Variants in NADSYN1 observed in about 807,000 individuals in gnomAD.
NADSYN1 encodes glutamine-dependent NAD(+) synthetase.
Under a neutral mutation model 99.3 loss-of-function variants are expected in NADSYN1, and 80 were observed. The ratio of observed to expected loss-of-function variants is 0.81; its 90% confidence interval spans 0.67 to 0.97. The LOEUF (loss-of-function observed/expected upper bound fraction) is 0.97. Among genes scored for constraint, NADSYN1 ranks in the 50% least tolerant of loss-of-function variants. The pLI, the probability that NADSYN1 is intolerant of heterozygous loss-of-function variation, is 0.00. For missense variants in NADSYN1, 859 were observed against 948.5 expected, an observed-to-expected ratio of 0.91 and a Z score of 1.24; for synonymous variants, 385 against 372.1, an observed-to-expected ratio of 1.03 and a Z score of -0.40.
chr11:71,457,573 C>G (rs1949521962), intron 2 of NADSYN1, among the ~76,000 whole-genome samples: 1 of 152,230 alleles, frequency 6.6e-6, no homozygotes, highest in Admixed American at 6.5e-5. Flanking sequence ...TAGAAACAAA[C>G]TAGAGGCTTA....
chr11:71,488,298 A>G (rs1451678888), intron 16 of NADSYN1, among the ~76,000 whole-genome samples: 2 of 151,040 alleles, frequency 1.3e-5, no homozygotes, highest in African/African-American at 4.9e-5. Flanking sequence ...GTCCGCCGAG[A>G]GAGCTCAAGG....
intron 6 of NADSYN1, among the ~76,000 whole-genome samples, chr11:71,472,845 C>T (rs1949636704): frequency 6.6e-6 from 1 of 152,214 alleles, no homozygotes; most frequent in Non-Finnish European, 1.5e-5. Flanking sequence ...CAGCAAAATG[C>T]CCTACTCTCA....
Position 71,458,420 on chromosome 11 carries a change from C to CT in NADSYN1, c.147-7dup. The CT allele has an allele frequency of 6.2e-7, 1 of 1,608,972 alleles. No individual in the cohort carries two copies. Among genetic ancestry groups the CT allele is most frequent in the South Asian group, 1.1e-5 (1 of 90,988 alleles). Reference sequence around the variant, plus strand: ...TTTCTGGAGCTCACCTTCTCACTGTCTCTGCAGCGGCTACGGATGTTGGGA... The same window carrying CT: ...TTTCTGGAGCTCACCTTCTCACTGTCTTCTGCAGCGGCTACGGATGTTGGGA... On this transcript the variant is annotated splice_polypyrimidine_tract_variant and splice_region_variant and intron_variant, in intron 2 of 20. Coordinates refer to ENST00000319023, the MANE Select transcript of NADSYN1 (RefSeq NM_018161.5).
At chr11:71,472,363 C>G in intron 5 of NADSYN1, 86 bp from the exon 6 acceptor site, 1 of 1,103,750 alleles carries the variant, frequency 9.1e-7, no homozygotes, top group Non-Finnish European at 1.4e-6. Context: ...TCGGAGGGTT[C>G]AGTTTGAGTT....
chr11:71,482,535 GC>G (rs1254006249), intron 13 of NADSYN1, among the ~76,000 whole-genome samples: 3 of 148,016 alleles, frequency 2.0e-5, no homozygotes, highest in Non-Finnish European at 4.5e-5. Flanking sequence ...CCGGGGTGGA[GC>G]CGCATGGGCG....
intron 14 of NADSYN1, 108 bp downstream of exon 14, chr11:71,483,125 C>A: frequency 1.5e-6 from 2 of 1,339,926 alleles, no homozygotes; most frequent in Non-Finnish European, 2.1e-6. Context: ...CATTCCGCAT[C>A]GTGTCATCCA....
chr11:71,493,729 G>GTT (rs1270714639), intron 18 of NADSYN1, among the ~76,000 whole-genome samples: 1 of 152,156 alleles, frequency 6.6e-6, no homozygotes, highest in Non-Finnish European at 1.5e-5. Flanking sequence ...TAGTCCTTAT[G>GTT]TTTAGGTCTG....
rs781265195 is a variant in NADSYN1 at position 71,484,432 on chromosome 11, G to C, written c.1440G>C (p.Ala480=). 7 of 1,613,728 alleles carry C rather than the reference G, an allele frequency of 4.3e-6. No homozygotes were observed. The highest frequency in any genetic ancestry group is 5.1e-6 in the Non-Finnish European group (6 of 1,179,888). Residue 480 remains alanine, a synonymous_variant, in exon 15 of 21, where the codon GCG becomes GCC. Transcript: ENST00000319023. ...GAGGAAGCAGCAGGGAAAACCTGGC[G>C]CTGCAAAATGTGCAGGTGCCCCCGC... The part of the protein sequence containing the change: ...AHGGSSRENL[A]LQNVQARIRM...
At chr11:71,488,388 C>T (rs1049661990) in intron 16 of NADSYN1, among the ~76,000 whole-genome samples, 5 of 151,910 alleles carry the variant, frequency 3.3e-5, no homozygotes, top group African/African-American at 7.3e-5. Context: ...TAAAGGCCTG[C>T]GGGAGGCGAG....
chr11:71,470,110 G>C lies in NADSYN1; in HGVS notation c.408-2339G>C, dbSNP rs545229288. On this transcript the variant is annotated intron_variant, in intron 5 of 20. Coordinates refer to ENST00000319023, the MANE Select transcript of NADSYN1 (RefSeq NM_018161.5). The stretch of plus-strand genomic sequence containing the variant: ...GTCTTACATAGCGGCAGACAAGAGA[G>C]AATGAGAGCCAAGCAAAAAGGGAAA... 2.6e-5 allele frequency among the ~76,000 whole-genome samples: 4 copies of C among 152,306 alleles called. No homozygotes were observed. The South Asian group carries it at 6.2e-4, about 24-fold the overall frequency.
chr11:71,492,022 C>T, intron 18 of NADSYN1, 119 bp downstream of exon 18: 1 of 930,460 alleles, frequency 1.1e-6, no homozygotes, highest in Non-Finnish European at 1.6e-6. Flanking sequence ...GTCACTGGGT[C>T]CCTGGCCTGG....
intron 12 of NADSYN1, 36 bp downstream of exon 12, chr11:71,481,440 T>C (rs1274896437): frequency 1.2e-6 from 2 of 1,606,638 alleles, no homozygotes; most frequent in Non-Finnish European, 8.5e-7. Context: ...CCACTTTGCT[T>C]GTTCTGCTGG....
chr11:71,460,365 G>GTTT (rs1235036796), intron 3 of NADSYN1, among the ~76,000 whole-genome samples: 26 of 152,168 alleles, frequency 1.7e-4, no homozygotes, highest in African/African-American at 5.1e-4. Flanking sequence ...GTTTTTGTTT[G>GTTT]TTTGAGACAG....
At chr11:71,460,799 C>T (rs1309563399) in intron 3 of NADSYN1, 1 of 152,234 alleles carries the variant, frequency 6.6e-6, no homozygotes, top group Non-Finnish European at 1.5e-5. Context: ...CATCCTGCAT[C>T]GTTTCTTCAA....
chr11:71,487,722 T>C (rs1457640717), intron 16 of NADSYN1, among the ~76,000 whole-genome samples: 1 of 149,918 alleles, frequency 6.7e-6, no homozygotes, highest in East Asian at 2.0e-4. Flanking sequence ...TCCCAGCTAC[T>C]TGGGAGGCTG....
rs770118715 is a variant in NADSYN1, at chr11:71,490,916, C to T, written c.1634C>T (p.Thr545Met). The T allele has an allele frequency of 1.7e-5, 28 of 1,614,114 alleles. No individual in the cohort carries two copies. Among genetic ancestry groups the T allele is most frequent in the Admixed American group, 8.3e-5 (5 of 60,012 alleles). Reference protein sequence around the residue: ...DINPIGGISKTDLRAFVQFCI... With the variant: ...DINPIGGISKMDLRAFVQFCI... ...AACCCCATAGGCGGGATCAGCAAGA[C>T]GGACCTCAGGGCCTTCGTCCAGTTC... Residue 545 changes from threonine to methionine, a missense_variant, in exon 17 of 21, where the codon ACG becomes ATG. Physicochemically the swap from Thr to Met is moderately conservative, Grantham distance 81. Transcript: ENST00000319023.
intron 5 of NADSYN1, among the ~76,000 whole-genome samples, chr11:71,464,947 C>G (rs1054854787): frequency 5.3e-5 from 8 of 151,862 alleles, no homozygotes; most frequent in African/African-American, 1.9e-4. Flanking sequence ...GTTCCCTGCC[C>G]CCAGACCCTA....
chr11:71,453,439 G>T, intron 1 of NADSYN1, 58 bp downstream of exon 1: 2 of 1,463,046 alleles, frequency 1.4e-6, no homozygotes, highest in South Asian at 1.2e-5. Context: ...CCGTGGCTGG[G>T]CCCAGGCTTG....
intron 5 of NADSYN1, among the ~76,000 whole-genome samples, chr11:71,470,290 C>T (rs1949618604): frequency 1.3e-5 from 2 of 152,260 alleles, no homozygotes; most frequent in Admixed American, 1.3e-4. Flanking sequence ...GGTGGGGACA[C>T]AGCCAGACCA....
Sources: allele counts gnomAD v4.1 joint callset (sites outside exome capture counted in the v4.1 genomes callset), GRCh38; gene constraint gnomAD v4.1.1; transcripts MANE v1.5; gene names NCBI Gene and HGNC (gene_info 2026-07-23, HGNC 2026-07-21).